Variants in ADGRG7 observed in about 807,000 individuals in gnomAD.
The protein encoded by ADGRG7 is adhesion G protein-coupled receptor G7, also known as G-protein coupled receptor 128.
Under a neutral mutation model 88.6 loss-of-function variants are expected in ADGRG7, and 82 were observed. That is an observed-to-expected ratio of 0.93 (90% CI 0.77 to 1.11). ADGRG7 has a LOEUF of 1.11. ADGRG7 is among the 50% of genes most tolerant of loss of function. The pLI, the probability that ADGRG7 is intolerant of heterozygous loss-of-function variation, is 0.00. For missense variants in ADGRG7, 945 were observed against 953.4 expected (o/e 0.99, Z 0.12); for synonymous variants, 381 against 345.2 (o/e 1.10, Z -1.15).
At chr3:100,613,660 T>C (rs1707187604) in intron 1 of ADGRG7, among the ~76,000 whole-genome samples, 1 of 152,252 alleles carries the variant, frequency 6.6e-6, no homozygotes, top group Non-Finnish European at 1.5e-5. Context: ...GTTTAAAGTG[T>C]TGATTCCATT....
intron 15 of ADGRG7, among the ~76,000 whole-genome samples, chr3:100,679,126 A>G (rs1335948650): frequency 6.6e-6 from 1 of 152,158 alleles, no homozygotes; most frequent in African/African-American, 2.4e-5. Context: ...TCAGGAAACT[A>G]CTTGGTGCTC....
At chr3:100,646,846 A>G (rs1707758729) in intron 10 of ADGRG7, 122 bp downstream of exon 10, 3 of 867,202 alleles carry the variant, frequency 3.5e-6, no homozygotes, top group South Asian at 3.9e-5. Context: ...CAGATTAAAT[A>G]GAAAAACAAG....
chr3:100,633,268 G>A lies in ADGRG7; in HGVS notation c.338G>A (p.Gly113Asp), dbSNP rs1198987086. Residue 113 changes from glycine to aspartate, a missense_variant, in exon 4 of 16, where the codon GGC becomes GAC. By Grantham distance (94) the Gly-to-Asp change is moderately conservative (BLOSUM62 -1). Coordinates refer to ENST00000273352, the MANE Select transcript of ADGRG7 (RefSeq NM_032787.3). Reference sequence around the variant, plus strand: ...AAAAAATTTCTTTGTATTAAAGCGGGCAATCCAATGGCAGTCCGGTTGTGC... The same window carrying A: ...AAAAAATTTCTTTGTATTAAAGCGGACAATCCAATGGCAGTCCGGTTGTGC... ...QTCGKDTPNA[G>D]NPMAVRLCSL... The A allele has an allele frequency of 2.8e-6, 4 of 1,437,708 alleles. No individual in the cohort carries two copies. In the South Asian group the frequency reaches 5.3e-5, roughly 19 times the overall value. The allele number at this position is 1,437,708 out of a possible 1,614,324, so 89.1% of individuals were successfully genotyped here.
At chr3:100,633,427 T>C (rs759424060) in intron 4 of ADGRG7, 50 bp downstream of exon 4, 21 of 1,036,852 alleles carry the variant, frequency 2.0e-5, no homozygotes, top group Middle Eastern at 2.1e-4. Context: ...TCTGATTCCG[T>C]GCAGTTTCTG....
Position 100,643,566 on chromosome 3 carries a change from T to C in ADGRG7, c.879T>C (p.His293=), listed in dbSNP as rs747305307. The change falls in exon 8 of 16, where the codon CAT becomes CAC. Residue 293 remains histidine, a synonymous_variant. Coordinates refer to ENST00000273352, the MANE Select transcript of ADGRG7 (RefSeq NM_032787.3). ...TAGTTTCTAGTTCAACATTTATACA[T>C]ACAAATGTGGATGGCCTTAACCCAG... The part of the protein sequence containing the change: ...SSLVSSSTFI[H]TNVDGLNPDA... The C allele has an allele frequency of 3.1e-6, 5 of 1,613,998 alleles. No homozygotes were observed. The Admixed American group carries it at 5.0e-5, about 16-fold the overall frequency.
chr3:100,648,647 C>T (rs1531772), intron 10 of ADGRG7, among the ~76,000 whole-genome samples: 78,715 of 151,880 alleles, frequency 0.52, 22,121 homozygotes, highest in South Asian at 0.76. Flanking sequence ...TATTTTTAAG[C>T]ATGTAAGAAA....
At chr3:100,639,525 C>T (rs1375665965) in intron 6 of ADGRG7, among the ~76,000 whole-genome samples, 1 of 151,060 alleles carries the variant, frequency 6.6e-6, no homozygotes, top group African/African-American at 2.5e-5. Context: ...GAGTCTGGGC[C>T]CTTCTCATGG....
At chr3:100,665,380 A>G (rs755858477) in intron 14 of ADGRG7, 4 of 540,520 alleles carry the variant, frequency 7.4e-6, no homozygotes, top group Non-Finnish European at 1.5e-5. Flanking sequence ...AATCTTCATT[A>G]CAATAGAAGC....
intron 10 of ADGRG7, among the ~76,000 whole-genome samples, chr3:100,647,571 C>T (rs971341088): frequency 6.6e-6 from 1 of 152,204 alleles, no homozygotes; most frequent in Admixed American, 6.5e-5. Context: ...TAAAGCTATA[C>T]TGTGCAAGTA....
At chr3:100,694,381 C>T (rs1576344179) in intron 15 of ADGRG7, among the ~76,000 whole-genome samples, 1 of 152,158 alleles carries the variant, frequency 6.6e-6, no homozygotes, top group South Asian at 2.1e-4. Flanking sequence ...AATATGGAAG[C>T]ACAGAATGTT....
chr3:100,647,186 T>C (rs541673050), intron 10 of ADGRG7, among the ~76,000 whole-genome samples: 3 of 151,694 alleles, frequency 2.0e-5, no homozygotes, highest in Non-Finnish European at 4.4e-5. Flanking sequence ...ACAAAAAAAA[T>C]AGGACTAAGG....
Position 100,633,284 on chromosome 3 carries a change from C to G in ADGRG7, c.354C>G (p.Val118=). The G allele has an allele frequency of 6.7e-7, 1 of 1,490,142 alleles. No homozygotes were observed. The highest frequency in any genetic ancestry group is 1.5e-5 in the South Asian group (1 of 65,930). 92.3% of individuals were successfully genotyped at this position (1,490,142 alleles called of 1,614,324 possible). The change falls in exon 4 of 16, where the codon GTC becomes GTG. Residue 118 remains valine, a synonymous_variant. Transcript: ENST00000273352. ...DTPNAGNPMA[V]RLCSLSLYGE... The stretch of plus-strand genomic sequence containing the variant: ...TTAAAGCGGGCAATCCAATGGCAGT[C>G]CGGTTGTGCAGTCTCTCTCTATATG...
Position 100,669,098 on chromosome 3 carries a change from C to A in ADGRG7, c.2129C>A (p.Thr710Asn). The change falls in exon 15 of 16, where the codon ACT becomes AAT. Residue 710 changes from threonine (T) to asparagine (N), a missense_variant. Coordinates refer to ENST00000273352, the MANE Select transcript of ADGRG7 (RefSeq NM_032787.3). The stretch of plus-strand genomic sequence containing the variant: ...AGCTACATATTCTGCCTTTTCAACA[C>A]TACACAGGTATGGTGCGGATTAGTC... ...VFSYIFCLFN[T>N]TQGLQIFILY... The A allele has an allele frequency of 6.3e-7, 1 of 1,584,336 alleles. No homozygotes were observed. Among genetic ancestry groups the A allele is most frequent in the Non-Finnish European group, 8.6e-7 (1 of 1,166,654 alleles).
At chr3:100,668,362 G>A (rs1290339207) in intron 14 of ADGRG7, among the ~76,000 whole-genome samples, 6 of 152,164 alleles carry the variant, frequency 3.9e-5, no homozygotes, top group African/African-American at 1.2e-4. Context: ...AACCAGCCCA[G>A]GCTTCTTAAC....
At chr3:100,636,603 T>C (rs1436174103) in intron 5 of ADGRG7, among the ~76,000 whole-genome samples, 1 of 151,728 alleles carries the variant, frequency 6.6e-6, no homozygotes, top group Admixed American at 6.6e-5. Context: ...GCCCTGAAAA[T>C]AGCTACTCCT....
chr3:100,662,291 GA>G (rs1382025453), intron 14 of ADGRG7, among the ~76,000 whole-genome samples: 4 of 152,098 alleles, frequency 2.6e-5, no homozygotes, highest in African/African-American at 9.7e-5. Context: ...AAAGGGGAGG[GA>G]AAAGTGCTGA....
intron 15 of ADGRG7, among the ~76,000 whole-genome samples, chr3:100,685,945 G>A (rs1330369978): frequency 4.6e-5 from 7 of 150,962 alleles, no homozygotes; most frequent in East Asian, 3.9e-4. Context: ...CTGAGGAATC[G>A]CCACACTGAC....
At chr3:100,622,456 A>T (rs1707327214) in intron 1 of ADGRG7, among the ~76,000 whole-genome samples, 1 of 152,020 alleles carries the variant, frequency 6.6e-6, no homozygotes, top group African/African-American at 2.4e-5. Flanking sequence ...TGGGATGTGA[A>T]ATGATATTTA....
intron 11 of ADGRG7, among the ~76,000 whole-genome samples, chr3:100,653,367 C>A (rs1184069682): frequency 6.6e-6 from 1 of 152,068 alleles, no homozygotes; most frequent in East Asian, 1.9e-4. Context: ...TGTATTTGGC[C>A]TTATTTTAAA....
Sources: allele counts gnomAD v4.1 joint callset (sites outside exome capture counted in the v4.1 genomes callset), GRCh38; gene constraint gnomAD v4.1.1; transcripts MANE v1.5; gene names NCBI Gene and HGNC (gene_info 2026-07-23, HGNC 2026-07-21).